The following PPP1R9A variants were observed in gnomAD, a reference collection of about 807,000 sequenced individuals.
The protein encoded by PPP1R9A is protein phosphatase 1 regulatory subunit 9A, also known as neurabin-1.
PPP1R9A carries 59 observed loss-of-function variants against 141.9 expected under a neutral mutation model. The observed-to-expected ratio is 0.42, with a 90% CI of 0.34 to 0.52. PPP1R9A has a LOEUF of 0.52. Ranked by LOEUF, PPP1R9A falls within the 20% of genes least tolerant of loss-of-function variation. PPP1R9A has a pLI of 0.10. For synonymous variants in PPP1R9A, 500 were observed against 569.7 expected (o/e 0.88, Z 1.74); for missense variants, 1,444 against 1,611.9 (o/e 0.90, Z 1.78).
chr7:95,104,652 A>G (rs760794439), intron 2 of PPP1R9A, among the ~76,000 whole-genome samples: 18 of 152,130 alleles, frequency 1.2e-4, no homozygotes, highest in Non-Finnish European at 2.5e-4. Context: ...CCGGGCACAC[A>G]CTGGACAATC....
chr7:95,013,205 T>G (rs1804666496), intron 2 of PPP1R9A, among the ~76,000 whole-genome samples: 1 of 152,140 alleles, frequency 6.6e-6, no homozygotes, highest in Non-Finnish European at 1.5e-5. Context: ...CAACTGATGG[T>G]TTTATTTGAA....
At position 95,086,903 on chromosome 7, in the gene PPP1R9A, C is replaced by T. The variant is rs141819182; in HGVS notation, c.1396-24356C>T. On this transcript the variant is annotated intron_variant, in intron 2 of 19. Transcript: ENST00000433360. ...TTGGTTCAGAAAAGAGAGTTTAGGTCGGGAGCAAGTGGCTCACACCTGTAA... is the reference window on the plus strand; with the variant it reads ...TTGGTTCAGAAAAGAGAGTTTAGGTTGGGAGCAAGTGGCTCACACCTGTAA... Among the ~76,000 whole-genome samples, 604 of 152,002 alleles carry T rather than the reference C, an allele frequency of 4.0e-3. 24 individuals are homozygous for T. The highest frequency in any genetic ancestry group is 0.037 in the East Asian group (193 of 5,174).
At chr7:95,202,578 T>C in intron 6 of PPP1R9A, 1 of 903,940 alleles carries the variant, frequency 1.1e-6, no homozygotes, top group East Asian at 1.2e-4. Flanking sequence ...AAGGTTGCCA[T>C]GGAGGATTTC....
rs1166103728 is a variant in PPP1R9A, at chr7:95,108,307, C to CTTTTTTTTTTTTTTTTT, written c.1396-2942_1396-2926dup. Among the ~76,000 whole-genome samples the CTTTTTTTTTTTTTTTTT allele has an allele frequency of 5.0e-4, 30 of 59,622 alleles. 3 individuals are homozygous for CTTTTTTTTTTTTTTTTT. The highest frequency in any genetic ancestry group is 1.0e-3 in the African/African-American group (14 of 13,858). 39.1% of individuals were successfully genotyped at this position (59,622 alleles called of 152,430 possible). On this transcript the variant is annotated intron_variant, in intron 2 of 19. Coordinates refer to ENST00000433360, the MANE Select transcript of PPP1R9A (RefSeq NM_001166160.2). ...TTTTCTTTTCTTTTTCGTTTCTTTT[C>CTTTTTTTTTTTTTTTTT]TTTTTTTTTTTTTTTTTTTTTTTTT...
chr7:94,938,336 C>T (rs1216473284), intron 2 of PPP1R9A, among the ~76,000 whole-genome samples: 1 of 152,056 alleles, frequency 6.6e-6, no homozygotes, highest in East Asian at 1.9e-4. Flanking sequence ...GTCCCTTATG[C>T]CAAAAAGGTT....
chr7:95,104,912 T>C (rs1819297135), intron 2 of PPP1R9A, among the ~76,000 whole-genome samples: 1 of 152,170 alleles, frequency 6.6e-6, no homozygotes. Context: ...CCAAGGAAGC[T>C]TGTGATGAGT....
At chr7:94,959,186 C>A (rs963080632) in intron 2 of PPP1R9A, among the ~76,000 whole-genome samples, 2 of 151,722 alleles carry the variant, frequency 1.3e-5, no homozygotes, top group African/African-American at 4.8e-5. Flanking sequence ...TAATAACTAC[C>A]TATAGTTGGA....
chr7:95,058,916 A>G (rs982943589), intron 2 of PPP1R9A, among the ~76,000 whole-genome samples: 3 of 151,988 alleles, frequency 2.0e-5, no homozygotes, highest in East Asian at 1.9e-4. Flanking sequence ...CAGCCTCCCA[A>G]ATAGTTGGGA....
At chr7:95,035,519 T>C (rs1277093552) in intron 2 of PPP1R9A, among the ~76,000 whole-genome samples, 1 of 152,200 alleles carries the variant, frequency 6.6e-6, no homozygotes, top group Non-Finnish European at 1.5e-5. Flanking sequence ...TCATTTAACA[T>C]TTTGCTGTGA....
Position 95,226,110 on chromosome 7 carries a change from C to G in PPP1R9A, c.2106C>G (p.Phe702Leu). ...ELDTSKLSHK[F>L]KELQIKHAVT... ...ACACAAGCAAGCTCAGTCACAAGTT[C>G]AAAGAGGTATGCCACTAAGCTGCAA... Residue 702 changes from phenylalanine (F) to leucine (L), a missense_variant, in exon 8 of 20, where the codon TTC (phenylalanine) becomes TTG (leucine). By Grantham distance (22) the Phe-to-Leu change is conservative. Transcript: ENST00000433360. 1 of 1,612,292 alleles carries G rather than the reference C, an allele frequency of 6.2e-7. No individual in the cohort carries two copies. The highest frequency in any genetic ancestry group is 1.3e-5 in the African/African-American group (1 of 74,960).
intron 2 of PPP1R9A, among the ~76,000 whole-genome samples, chr7:95,042,325 A>G (rs1327643861): frequency 1.3e-5 from 2 of 152,196 alleles, no homozygotes; most frequent in Non-Finnish European, 2.9e-5. Context: ...ACACAACCTA[A>G]AATTCCTACT....
intron 5 of PPP1R9A, among the ~76,000 whole-genome samples, chr7:95,185,922 A>AT (rs1424779659): frequency 6.6e-6 from 1 of 150,464 alleles, no homozygotes; most frequent in Non-Finnish European, 1.5e-5. Context: ...CTGTTTTGGT[A>AT]TAGCCATGTA....
At chr7:95,114,972 A>G (rs1235156973) in intron 3 of PPP1R9A, among the ~76,000 whole-genome samples, 16 of 152,002 alleles carry the variant, frequency 1.1e-4, no homozygotes, top group Non-Finnish European at 1.5e-5. Context: ...TCTTTCTTTA[A>G]AATAAAAAAC....
At chr7:94,965,282 T>C (rs1798079305) in intron 2 of PPP1R9A, among the ~76,000 whole-genome samples, 1 of 152,168 alleles carries the variant, frequency 6.6e-6, no homozygotes, top group African/African-American at 2.4e-5. Context: ...CTGTTCACTC[T>C]GGTAATAGTT....
intron 11 of PPP1R9A, 39 bp from the exon 12 acceptor site, chr7:95,251,920 G>A (rs370479532): frequency 4.6e-5 from 74 of 1,608,134 alleles, no homozygotes; most frequent in South Asian, 4.4e-4. Flanking sequence ...GGAGGGGAGC[G>A]CTAGTTTAGA....
rs143536264 is a variant in PPP1R9A at position 95,198,057 on chromosome 7, T to C, written c.1755-292T>C. Among the ~76,000 whole-genome samples the C allele has an allele frequency of 3.0e-3, 463 of 152,326 alleles. 1 individual carries two copies. Among genetic ancestry groups the C allele is most frequent in the Non-Finnish European group, 4.8e-3 (326 of 68,022 alleles). On this transcript the variant is annotated intron_variant, in intron 5 of 19. Coordinates refer to ENST00000433360, the MANE Select transcript of PPP1R9A (RefSeq NM_001166160.2). ...TCTATTTTGTATGGCATCAAAAATG[T>C]GTAAAGTACTGCAGAATGGGTTACG... is the stretch of plus-strand genomic sequence containing the variant.
intron 2 of PPP1R9A, among the ~76,000 whole-genome samples, chr7:95,073,008 C>T (rs963689596): frequency 5.1e-5 from 7 of 137,606 alleles, no homozygotes; most frequent in Non-Finnish European, 9.1e-5. Flanking sequence ...TATTTTGAGA[C>T]AGAGTCTCAC....
intron 2 of PPP1R9A, among the ~76,000 whole-genome samples, chr7:94,957,656 A>G (rs969084389): frequency 2.0e-5 from 3 of 152,102 alleles, no homozygotes; most frequent in African/African-American, 7.2e-5. Flanking sequence ...TTTTAACAAA[A>G]GAAAGAATCT....
intron 4 of PPP1R9A, among the ~76,000 whole-genome samples, chr7:95,134,858 T>C (rs1825354613): frequency 2.6e-5 from 4 of 152,364 alleles, no homozygotes; most frequent in Admixed American, 2.6e-4. Flanking sequence ...GTTCTATTAC[T>C]TTTCCTAAAG....
Sources: allele counts gnomAD v4.1 joint callset (sites outside exome capture counted in the v4.1 genomes callset), GRCh38; gene constraint gnomAD v4.1.1; transcripts MANE v1.5; gene names NCBI Gene and HGNC (gene_info 2026-07-23, HGNC 2026-07-21).